APMAP: variants seen among roughly 807,000 people sequenced by gnomAD.
APMAP encodes the protein adipocyte plasma membrane associated protein, also known as adipocyte plasma membrane-associated protein.
APMAP carries 33 observed loss-of-function variants against 43.6 expected under a neutral mutation model. The ratio of observed to expected loss-of-function variants is 0.76; its 90% CI spans 0.57 to 1.01. The LOEUF is 1.01. Among genes scored for constraint, APMAP ranks in the 50% least tolerant of loss-of-function variants. APMAP has a pLI of 0.00. For synonymous variants in APMAP, 224 were observed against 216.7 expected, an observed-to-expected ratio of 1.03 and a Z score of -0.30; for missense variants, 498 against 540.7, an observed-to-expected ratio of 0.92 and a Z score of 0.78.
Position 24,992,745 on chromosome 20 carries a change from A to G in APMAP, c.-57T>C, listed in dbSNP as rs990109707. On this transcript the variant is annotated 5_prime_UTR_variant, in exon 1 of 9. Coordinates refer to ENST00000217456, the MANE Select transcript of APMAP (RefSeq NM_020531.3). The stretch of plus-strand genomic sequence containing the variant: ...ACCTCACACTGAGCGGCGCCGGCTC[A>G]GACTCCAGGCCCGCCCTCCCCCGTA... The G allele has an allele frequency of 6.0e-6, 8 of 1,342,056 alleles. No homozygotes were observed. Among genetic ancestry groups the G allele is most frequent in the South Asian group, 2.9e-5 (2 of 68,546 alleles). 83.1% of individuals were successfully genotyped at this position (1,342,056 alleles called of 1,614,324 possible).
At chr20:24,964,451 T>C in intron 8 of APMAP, 2 of 472,186 alleles carry the variant, frequency 4.2e-6, no homozygotes, top group Middle Eastern at 6.5e-4. Flanking sequence ...ATAGGCAAGG[T>C]GCAAATGATG....
At chr20:24,985,505 G>T (rs1331519454) in intron 1 of APMAP, among the ~76,000 whole-genome samples, 1 of 152,152 alleles carries the variant, frequency 6.6e-6, no homozygotes, top group Non-Finnish European at 1.5e-5. Flanking sequence ...AGTGAGACCT[G>T]CCCAGGACTT....
intron 3 of APMAP, 23 bp downstream of exon 3, chr20:24,978,744 C>CCCT (rs1555845602): frequency 1.5e-6 from 2 of 1,311,062 alleles, no homozygotes; most frequent in Non-Finnish European, 2.2e-6. Flanking sequence ...GAAGGCTCCC[C>CCCT]CCCCACCCAA....
intron 8 of APMAP, among the ~76,000 whole-genome samples, chr20:24,965,745 T>G (rs1423559684): frequency 1.3e-5 from 2 of 152,190 alleles, no homozygotes; most frequent in African/African-American, 4.8e-5. Context: ...CAGCCCTGGA[T>G]GGGGCCATGT....
rs777146172 is a variant in APMAP at position 24,963,873 on chromosome 20, G to A, written c.1191C>T (p.His397=). 1.9e-6 allele frequency: 3 copies of A among 1,614,236 alleles called. No individual in the cohort carries two copies. The highest frequency in any genetic ancestry group is 2.2e-5 in the South Asian group (2 of 91,088). ...YISEVHEHDG[H]LYLGSFRSPF... ...GGGACCTGAAAGAGCCCAGGTACAG[G>A]TGCCCATCGTGTTCGTGCACCTCGC... Residue 397 remains histidine (H), a synonymous_variant, in exon 9 of 9, where the codon CAC becomes CAT. Transcript: ENST00000217456.
intron 6 of APMAP, among the ~76,000 whole-genome samples, 169 bp from the exon 7 acceptor site, chr20:24,969,829 C>A (rs2087983733): frequency 6.6e-6 from 1 of 152,242 alleles, no homozygotes; most frequent in Non-Finnish European, 1.5e-5. Flanking sequence ...CCTTCCCCAT[C>A]CACAGCAGAT....
At chr20:24,980,417 C>T (rs1386228865) in intron 2 of APMAP, among the ~76,000 whole-genome samples, 1 of 152,262 alleles carries the variant, frequency 6.6e-6, no homozygotes, top group African/African-American at 2.4e-5. Context: ...AGCAGAGCTG[C>T]CAGCTTCGCT....
chr20:24,980,458 CAT>C (rs2122515872), intron 2 of APMAP, among the ~76,000 whole-genome samples: 1 of 149,700 alleles, frequency 6.7e-6, no homozygotes, highest in Middle Eastern at 4.0e-3. Context: ...CGCCGGGCAG[CAT>C]GGGGTCACCA....
At chr20:24,965,335 T>C (rs904180799) in intron 8 of APMAP, among the ~76,000 whole-genome samples, 2 of 152,272 alleles carry the variant, frequency 1.3e-5, no homozygotes, top group Non-Finnish European at 2.9e-5. Context: ...CACAGCCAGC[T>C]GAGCCCTGCT....
At chr20:24,973,347 G>A (rs760416786) in intron 4 of APMAP, among the ~76,000 whole-genome samples, 2 of 152,098 alleles carry the variant, frequency 1.3e-5, no homozygotes, top group Non-Finnish European at 2.9e-5. Flanking sequence ...CTGAAGTACC[G>A]CAAAGGTAAA....
chr20:24,991,993 T>C (rs562050757), intron 1 of APMAP, among the ~76,000 whole-genome samples: 1 of 152,342 alleles, frequency 6.6e-6, no homozygotes, highest in East Asian at 1.9e-4. Context: ...AAAAATTGCC[T>C]ACAATGTCAC....
At chr20:24,983,784 A>G (rs2088124365) in intron 2 of APMAP, 119 bp downstream of exon 2, 2 of 656,632 alleles carry the variant, frequency 3.0e-6, no homozygotes, top group Non-Finnish European at 2.5e-6. Context: ...ACAAAACTCT[A>G]TTTCTCCTAA....
rs542670961 is a variant in APMAP, at chr20:24,963,217, G to A, written c.*596C>T. ...AGAAACCCAGCAAAGTCCTCTCTGAGCCGCTAGAGTCAACAAGCTTTTCAT... is the reference window on the plus strand; with the variant it reads ...AGAAACCCAGCAAAGTCCTCTCTGAACCGCTAGAGTCAACAAGCTTTTCAT... On this transcript the variant is annotated 3_prime_UTR_variant, in exon 9 of 9. Coordinates refer to ENST00000217456, the MANE Select transcript of APMAP (RefSeq NM_020531.3). 1 of 152,650 alleles carries A rather than the reference G, an allele frequency of 6.6e-6. No homozygotes were observed. Among genetic ancestry groups the A allele is most frequent in the Admixed American group, 6.5e-5 (1 of 15,314 alleles). The allele number at this position is 152,650 out of a possible 1,614,324, so 9.5% of individuals were successfully genotyped here. A position where few individuals can be genotyped will look rare whatever the true frequency, so the allele number is the denominator to read the frequency against.
chr20:24,963,969 T>C lies in APMAP; in HGVS notation c.1095A>G (p.Leu365=), dbSNP rs754589371. ...MKFVPRYSLV[L]ELSDSGAFRR... ...GGAAGGCACCGCTGTCGCTGAGTTC[T>C]AGGACGAGGCTGTACCGCGGCACAA... Residue 365 remains leucine, a synonymous_variant, in exon 9 of 9, where the codon CTA becomes CTG. Transcript: ENST00000217456. The C allele has an allele frequency of 1.2e-6, 2 of 1,614,234 alleles. No homozygotes were observed. The highest frequency in any genetic ancestry group is 2.2e-5 in the South Asian group (2 of 91,086).
In APMAP at chr20:24,963,646, C is replaced by T. The variant is rs572640114; in HGVS notation, c.*167G>A. On this transcript the variant is annotated 3_prime_UTR_variant, in exon 9 of 9. Coordinates refer to ENST00000217456, the MANE Select transcript of APMAP (RefSeq NM_020531.3). ...CAGAAAGACAAGCCCAGGTGGGGCCCGGGCATCCTCGAGGAATGAAGCAGC... is the reference window on the plus strand; with the variant it reads ...CAGAAAGACAAGCCCAGGTGGGGCCTGGGCATCCTCGAGGAATGAAGCAGC... 13 of 697,068 alleles carry T rather than the reference C, an allele frequency of 1.9e-5. No individual in the cohort carries two copies. The highest frequency in any genetic ancestry group is 7.4e-5 in the South Asian group (4 of 53,902). 43.2% of individuals were successfully genotyped at this position (697,068 alleles called of 1,614,324 possible).
rs764974616 is a variant in APMAP, at chr20:24,983,979, G to A, written c.136C>T (p.Leu46=). ...AGGGGAACGGTGAGAGAAACAGCCA[G>A]CATCAAGAAGGTCACTCGGAAAACT... is the stretch of plus-strand genomic sequence containing the variant. ...GRVFRVTFLM[L]AVSLTVPLLG... Residue 46 remains leucine (L), a synonymous_variant, in exon 2 of 9, where the codon CTG becomes TTG. Transcript: ENST00000217456. 2.0e-5 allele frequency: 33 copies of A among 1,613,830 alleles called. No homozygotes were observed. Among genetic ancestry groups the A allele is most frequent in the Middle Eastern group, 1.6e-4 (1 of 6,084 alleles).
rs79304811 is a variant in APMAP at position 24,980,710 on chromosome 20, C to T, written c.213-1828G>A. 9.6e-3 allele frequency among the ~76,000 whole-genome samples: 1,430 copies of T among 149,076 alleles called. 9 individuals carry two copies. The highest frequency in any genetic ancestry group is 0.018 in the Middle Eastern group (5 of 284). On this transcript the variant is annotated intron_variant, in intron 2 of 8. Coordinates refer to ENST00000217456, the MANE Select transcript of APMAP (RefSeq NM_020531.3). ...CACCTCTACACACTGGGCAGCGTGG[C>T]GTCACCATGGTCAAGAGGCCATGCC...
At chr20:24,986,748 G>A (rs1331118012) in intron 1 of APMAP, among the ~76,000 whole-genome samples, 1 of 152,186 alleles carries the variant, frequency 6.6e-6, no homozygotes, top group African/African-American at 2.4e-5. Flanking sequence ...GAAGTGGGCA[G>A]GGAAAGGCTC....
chr20:24,984,551 T>C (rs2088132176), intron 1 of APMAP, among the ~76,000 whole-genome samples: 1 of 152,222 alleles, frequency 6.6e-6, no homozygotes, highest in Admixed American at 6.5e-5. Flanking sequence ...CCCCAATCAC[T>C]TTTCCCAACC....
Sources: allele counts gnomAD v4.1 joint callset (sites outside exome capture counted in the v4.1 genomes callset), GRCh38; gene constraint gnomAD v4.1.1; transcripts MANE v1.5; gene names NCBI Gene and HGNC (gene_info 2026-07-23, HGNC 2026-07-21).